COL24A1: variants seen among roughly 807,000 people sequenced by gnomAD.
The protein encoded by COL24A1 is collagen alpha-1(XXIV) chain.
Under a neutral mutation model 253.9 loss-of-function variants are expected in COL24A1, and 224 were observed. The ratio of observed to expected loss-of-function variants is 0.88; its 90% CI spans 0.79 to 0.99. COL24A1 has a LOEUF of 0.99. Ranked by LOEUF, COL24A1 falls within the 50% of genes least tolerant of loss-of-function variation. The pLI, the probability that COL24A1 is intolerant of heterozygous loss-of-function variation, is 0.00. For synonymous variants in COL24A1, 685 were observed against 673.7 expected (o/e 1.02, Z -0.26); for missense variants, 2,131 against 2,068.5 (o/e 1.03, Z -0.59).
At chr1:85,835,220 C>CTCTGCT (rs1467452969) in intron 43 of COL24A1, among the ~76,000 whole-genome samples, 1 of 152,008 alleles carries the variant, frequency 6.6e-6, no homozygotes, top group Non-Finnish European at 1.5e-5. Context: ...CTGCCTCTGC[C>CTCTGCT]TCCCGGGTTC....
chr1:85,735,017 A>G, intron 58 of COL24A1, 53 bp from the exon 59 acceptor site: 2 of 1,552,252 alleles, frequency 1.3e-6, no homozygotes, highest in African/African-American at 1.4e-5. Flanking sequence ...GAGAAACTTA[A>G]CAGTTCAGGA....
intron 35 of COL24A1, 104 bp from the exon 36 acceptor site, chr1:85,868,939 T>G (rs957859300): frequency 1.4e-6 from 1 of 690,048 alleles, no homozygotes; most frequent in Non-Finnish European, 2.4e-6. Context: ...AAATTTGTGT[T>G]CACTTATTTC....
At chr1:85,874,536 A>AT (rs2102590821) in intron 35 of COL24A1, 113 bp downstream of exon 35, 1 of 880,268 alleles carries the variant, frequency 1.1e-6, no homozygotes, top group South Asian at 1.9e-5. Context: ...AACATTTTCT[A>AT]TAATGTATCA....
intron 38 of COL24A1, 31 bp from the exon 39 acceptor site, chr1:85,847,803 A>G: frequency 3.4e-6 from 5 of 1,474,438 alleles, no homozygotes; most frequent in Non-Finnish European, 4.7e-6. Context: ...AGAGAAAAGC[A>G]AGAAAAAAAT....
At chr1:85,846,882 G>A (rs111612771) in intron 39 of COL24A1, among the ~76,000 whole-genome samples, 4 of 152,128 alleles carry the variant, frequency 2.6e-5, no homozygotes, top group African/African-American at 9.6e-5. Flanking sequence ...CCGAAAATAA[G>A]CCTGAGGCAA....
At chr1:86,152,310 C>G (rs78110315) in intron 1 of COL24A1, among the ~76,000 whole-genome samples, 2,232 of 152,224 alleles carry the variant, frequency 0.015, 30 homozygotes, top group Middle Eastern at 0.044. Flanking sequence ...GTTTTGAGGG[C>G]TGAAATGATG....
chr1:86,135,721 CT>C (rs1557776685), intron 2 of COL24A1, among the ~76,000 whole-genome samples: 1 of 151,896 alleles, frequency 6.6e-6, no homozygotes, highest in Non-Finnish European at 1.5e-5. Flanking sequence ...TCCCTGAGTT[CT>C]TTCATTTCTG....
chr1:85,827,003 C>T (rs895803830), intron 43 of COL24A1, among the ~76,000 whole-genome samples: 1 of 151,402 alleles, frequency 6.6e-6, no homozygotes, highest in African/African-American at 2.4e-5. Flanking sequence ...TGTCTTGTGC[C>T]AGTTTTCAAA....
chr1:85,958,541 A>G (rs997484444), intron 24 of COL24A1, among the ~76,000 whole-genome samples: 2 of 152,058 alleles, frequency 1.3e-5, no homozygotes, highest in Non-Finnish European at 2.9e-5. Flanking sequence ...AAGACATCAA[A>G]CCTTCCAATA....
At chr1:85,795,369 G>C (rs1312085097) in intron 47 of COL24A1, among the ~76,000 whole-genome samples, 1 of 152,024 alleles carries the variant, frequency 6.6e-6, no homozygotes, top group African/African-American at 2.4e-5. Flanking sequence ...TATTCCCCCA[G>C]CTCCTTGGCT....
intron 24 of COL24A1, among the ~76,000 whole-genome samples, chr1:85,927,087 C>T (rs1049357448): frequency 9.9e-5 from 15 of 151,824 alleles, no homozygotes; most frequent in East Asian, 2.0e-4. Flanking sequence ...GCCAAGACGG[C>T]CGAATAGGAA....
chr1:85,812,946 G>A (rs1001818281), intron 47 of COL24A1, among the ~76,000 whole-genome samples: 4 of 152,174 alleles, frequency 2.6e-5, no homozygotes, highest in African/African-American at 9.7e-5. Flanking sequence ...TGGGAGATAA[G>A]TTGGAGCTAT....
intron 57 of COL24A1, among the ~76,000 whole-genome samples, chr1:85,740,252 T>C (rs183729522): frequency 2.1e-3 from 314 of 152,310 alleles, no homozygotes; most frequent in African/African-American, 6.9e-3. Context: ...TAGACAGTAA[T>C]ATGGTGTTTC....
At chr1:86,132,842 A>G (rs545629700) in intron 2 of COL24A1, among the ~76,000 whole-genome samples, 16 of 152,040 alleles carry the variant, frequency 1.1e-4, no homozygotes, top group Admixed American at 3.9e-4. Context: ...TGGACTTGGC[A>G]ATGCGGGCTC....
chr1:86,015,838 A>G (rs1462768207), intron 19 of COL24A1, among the ~76,000 whole-genome samples: 1 of 149,334 alleles, frequency 6.7e-6, no homozygotes, highest in Non-Finnish European at 1.5e-5. Context: ...TTACCTCTCT[A>G]TTGGTAAAAC....
At chr1:85,953,284 C>T (rs1281622314) in intron 24 of COL24A1, among the ~76,000 whole-genome samples, 1 of 152,122 alleles carries the variant, frequency 6.6e-6, no homozygotes, top group Non-Finnish European at 1.5e-5. Context: ...GTTAGAGCTG[C>T]CATTTCCTCG....
At chr1:85,896,796 C>T (rs970127648) in intron 28 of COL24A1, among the ~76,000 whole-genome samples, 2 of 152,198 alleles carry the variant, frequency 1.3e-5, no homozygotes, top group South Asian at 2.1e-4. Context: ...CCACCCACCG[C>T]GCACGGCCAA....
intron 2 of COL24A1, among the ~76,000 whole-genome samples, chr1:86,136,002 C>T (rs976077811): frequency 6.6e-6 from 1 of 152,030 alleles, no homozygotes; most frequent in Non-Finnish European, 1.5e-5. Flanking sequence ...CCGGTACTAC[C>T]AGTTTCATTC....
At chr1:86,098,644 A>G (rs1704201090) in intron 5 of COL24A1, among the ~76,000 whole-genome samples, 1 of 152,186 alleles carries the variant, frequency 6.6e-6, no homozygotes, top group African/African-American at 2.4e-5. Flanking sequence ...TAAATATGAC[A>G]TCCTTGGACT....
Sources: gnomAD v4.1 joint callset for allele counts (sites outside exome capture counted in the v4.1 genomes callset) on GRCh38, gnomAD v4.1.1 for gene constraint, MANE v1.5 for transcripts, NCBI Gene and HGNC (gene_info 2026-07-23, HGNC 2026-07-21) for gene names.